Variants in SGPP2 observed in about 807,000 individuals in gnomAD.
SGPP2 encodes sphingosine 1-phosphate phosphohydrolase 2.
Under a neutral mutation model 33.9 loss-of-function variants are expected in SGPP2, and 30 were observed. That is an observed-to-expected ratio of 0.89 (90% CI 0.66 to 1.20). The LOEUF is 1.20. Among genes scored for constraint, SGPP2 ranks in the 50% most tolerant of loss-of-function variants. The pLI, the probability that SGPP2 is intolerant of heterozygous loss-of-function variation, is 0.00. For missense variants in SGPP2, 458 were observed against 532.1 expected, an observed-to-expected ratio of 0.86 and a Z score of 1.37; for synonymous variants, 233 against 225.0, an observed-to-expected ratio of 1.04 and a Z score of -0.32.
At chr2:222,540,300 G>A (rs1369949864) in intron 4 of SGPP2, among the ~76,000 whole-genome samples, 1 of 152,126 alleles carries the variant, frequency 6.6e-6, no homozygotes, top group Non-Finnish European at 1.5e-5. Context: ...AATCACATAT[G>A]CAACTCATCA....
At chr2:222,497,529 G>C (rs182533009) in intron 2 of SGPP2, among the ~76,000 whole-genome samples, 2 of 152,156 alleles carry the variant, frequency 1.3e-5, no homozygotes, top group Admixed American at 6.5e-5. Flanking sequence ...TTACAGGCAC[G>C]AGCCACCGCA....
At chr2:222,539,487 G>A (rs1247030282) in intron 4 of SGPP2, among the ~76,000 whole-genome samples, 1 of 152,122 alleles carries the variant, frequency 6.6e-6, no homozygotes, top group Non-Finnish European at 1.5e-5. Context: ...CTCAGTGTCC[G>A]GCACCACTAC....
intron 2 of SGPP2, among the ~76,000 whole-genome samples, chr2:222,496,289 G>T (rs181820448): frequency 6.6e-6 from 1 of 152,222 alleles, no homozygotes; most frequent in Non-Finnish European, 1.5e-5. Context: ...AGTTTGAGAC[G>T]CTTTCCAAAG....
In SGPP2 at chr2:222,487,706, G is replaced by A. The variant is rs114617661; in HGVS notation, c.378+12980G>A. 6.0e-3 allele frequency among the ~76,000 whole-genome samples: 917 copies of A among 152,198 alleles called. 9 individuals carry two copies. The highest frequency in any genetic ancestry group is 0.021 in the African/African-American group (858 of 41,522). ...AGGAGAGACAGTCCGGTGGCAGTGCGCTGGCAACATATCCATCCTCCTCCT... is the reference window on the plus strand; with the variant it reads ...AGGAGAGACAGTCCGGTGGCAGTGCACTGGCAACATATCCATCCTCCTCCT... On this transcript the variant is annotated intron_variant, in intron 2 of 4. Coordinates refer to ENST00000321276, the MANE Select transcript of SGPP2 (RefSeq NM_152386.4).
At chr2:222,532,663 G>C (rs1053706720) in intron 4 of SGPP2, among the ~76,000 whole-genome samples, 1 of 152,148 alleles carries the variant, frequency 6.6e-6, no homozygotes, top group Non-Finnish European at 1.5e-5. Context: ...ATCCGTTCTG[G>C]CTCTTAAATA....
intron 1 of SGPP2, among the ~76,000 whole-genome samples, chr2:222,464,926 T>A (rs1214971239): frequency 6.6e-6 from 1 of 152,226 alleles, no homozygotes; most frequent in African/African-American, 2.4e-5. Context: ...CTGGTCCACC[T>A]TGAGGAAAAG....
At chr2:222,438,234 C>T (rs1421286650) in intron 1 of SGPP2, among the ~76,000 whole-genome samples, 1 of 152,146 alleles carries the variant, frequency 6.6e-6, no homozygotes, top group Non-Finnish European at 1.5e-5. Flanking sequence ...CCACTGGACC[C>T]CTAGATATTT....
intron 2 of SGPP2, among the ~76,000 whole-genome samples, chr2:222,520,960 A>G (rs1014628171): frequency 1.3e-5 from 2 of 152,140 alleles, no homozygotes; most frequent in Admixed American, 6.5e-5. Flanking sequence ...GGGTCTCACC[A>G]TCTTTCCCAG....
chr2:222,506,037 CAT>C (rs1456675506), intron 2 of SGPP2, among the ~76,000 whole-genome samples: 3 of 151,434 alleles, frequency 2.0e-5, no homozygotes, highest in Admixed American at 2.0e-4. Flanking sequence ...AAATTAAACA[CAT>C]GTAAAGATGC....
intron 4 of SGPP2, among the ~76,000 whole-genome samples, chr2:222,530,205 C>A (rs1698818304): frequency 6.6e-6 from 1 of 152,086 alleles, no homozygotes; most frequent in African/African-American, 2.4e-5. Context: ...TCTTAAGGGC[C>A]CTAGAATTTT....
chr2:222,486,716 G>A (rs1222377540), intron 2 of SGPP2, among the ~76,000 whole-genome samples: 1 of 152,136 alleles, frequency 6.6e-6, no homozygotes, highest in African/African-American at 2.4e-5. Flanking sequence ...AAGGCCAGCC[G>A]AGCTGACATG....
intron 2 of SGPP2, among the ~76,000 whole-genome samples, chr2:222,478,855 C>G (rs1468457628): frequency 6.6e-6 from 1 of 152,152 alleles, no homozygotes; most frequent in Non-Finnish European, 1.5e-5. Flanking sequence ...TATTGTACAT[C>G]TTTTGTTGCT....
At chr2:222,517,827 G>C (rs917623732) in intron 2 of SGPP2, among the ~76,000 whole-genome samples, 4 of 152,234 alleles carry the variant, frequency 2.6e-5, no homozygotes, top group African/African-American at 9.6e-5. Flanking sequence ...CCACACCCCT[G>C]TTGCACGTCC....
chr2:222,458,601 C>T (rs1697608425), intron 1 of SGPP2, among the ~76,000 whole-genome samples: 2 of 152,070 alleles, frequency 1.3e-5, no homozygotes, highest in South Asian at 2.1e-4. Context: ...TTGCTATTTC[C>T]GAGGCTTCCG....
intron 1 of SGPP2, among the ~76,000 whole-genome samples, chr2:222,441,736 A>G (rs983187828): frequency 4.6e-5 from 7 of 152,182 alleles, no homozygotes; most frequent in Non-Finnish European, 7.4e-5. Flanking sequence ...TTTTATAAAA[A>G]GATTCTAAGG....
rs535829244 is a variant in SGPP2 at position 222,460,850 on chromosome 2, C to T, written c.220-13718C>T. Among the ~76,000 whole-genome samples, 1 of 152,090 alleles carries T rather than the reference C, an allele frequency of 6.6e-6. No individual in the cohort carries two copies. The highest frequency in any genetic ancestry group is 1.5e-5 in the Non-Finnish European group (1 of 68,018). ...CTCTGTTAAAATCTGAGTCTTCCTTCCAGGGTGAATTCCTTTCCTCTCCCT... is the reference window on the plus strand; with the variant it reads ...CTCTGTTAAAATCTGAGTCTTCCTTTCAGGGTGAATTCCTTTCCTCTCCCT... On this transcript the variant is annotated intron_variant, in intron 1 of 4. Transcript: ENST00000321276. The surrounding 1 kb of genome is among the most constrained non-coding windows in gnomAD (Gnocchi z 4.3).
intron 2 of SGPP2, among the ~76,000 whole-genome samples, chr2:222,484,711 T>C (rs1235953918): frequency 2.0e-5 from 3 of 152,166 alleles, no homozygotes; most frequent in Non-Finnish European, 4.4e-5. Context: ...TTGCTGTGGC[T>C]AAACCTGATT....
chr2:222,466,903 C>A (rs1329264760), intron 1 of SGPP2, among the ~76,000 whole-genome samples: 2 of 152,150 alleles, frequency 1.3e-5, no homozygotes, highest in Non-Finnish European at 2.9e-5. Flanking sequence ...TTGGTACTTT[C>A]TAGGGTTGAG....
intron 2 of SGPP2, among the ~76,000 whole-genome samples, chr2:222,497,830 A>G (rs1050670048): frequency 6.6e-6 from 1 of 152,236 alleles, no homozygotes; most frequent in Non-Finnish European, 1.5e-5. Context: ...AGGGAAGAGC[A>G]GAAACCTACT....
Sources: gnomAD v4.1 joint callset for allele counts (sites outside exome capture counted in the v4.1 genomes callset) on GRCh38, gnomAD v4.1.1 for gene constraint, Gnocchi (gnomAD v3.1) non-coding constraint, MANE v1.5 for transcripts, NCBI Gene and HGNC (gene_info 2026-07-23, HGNC 2026-07-21) for gene names.